CREG2: variants seen among roughly 807,000 people sequenced by gnomAD.
The protein encoded by CREG2 is cellular repressor of E1A stimulated genes 2, also known as protein CREG2.
CREG2 carries 24 observed loss-of-function variants against 26.2 expected under a neutral mutation model. That is an observed-to-expected ratio of 0.92 (90% CI 0.66 to 1.29). The LOEUF (loss-of-function observed/expected upper bound fraction) is 1.29. Ranked by LOEUF, CREG2 falls within the 50% of genes most tolerant of loss-of-function variation. The pLI is 0.00. For synonymous variants in CREG2, 174 were observed against 169.2 expected (o/e 1.03, Z -0.22); for missense variants, 366 against 398.6 (o/e 0.92, Z 0.70).
rs1684522629 is a variant in CREG2, at chr2:101,360,483, C to A, written c.612-5117G>T. ...GGTGCAGTGACTCACACCTGTAATCCCAGCACTTTGGGAGGCCAACGTAGG... is the reference window on the plus strand; with the variant it reads ...GGTGCAGTGACTCACACCTGTAATCACAGCACTTTGGGAGGCCAACGTAGG... On this transcript the variant is annotated intron_variant, in intron 2 of 3. Coordinates refer to ENST00000324768, the MANE Select transcript of CREG2 (RefSeq NM_153836.4). Among the ~76,000 whole-genome samples, 3 of 152,078 alleles carry A rather than the reference C, an allele frequency of 2.0e-5. No homozygotes were observed. In the South Asian group the frequency reaches 6.2e-4, roughly 31 times the overall value.
chr2:101,372,476 GA>G (rs1684723469), intron 2 of CREG2, among the ~76,000 whole-genome samples: 1 of 152,054 alleles, frequency 6.6e-6, no homozygotes, highest in Non-Finnish European at 1.5e-5. Context: ...TCAGTTAATT[GA>G]AATCTTTTCT....
intron 2 of CREG2, among the ~76,000 whole-genome samples, chr2:101,368,362 G>A (rs779669646): frequency 1.3e-5 from 2 of 151,756 alleles, no homozygotes; most frequent in African/African-American, 2.4e-5. Context: ...CACGAAGTCT[G>A]TGGCAATTTC....
rs1684359438 is a variant in CREG2 at position 101,350,323 on chromosome 2, C to T, written c.*600G>A. 1 of 152,370 alleles carries T rather than the reference C, an allele frequency of 6.6e-6. No individual in the cohort carries two copies. The highest frequency in any genetic ancestry group is 6.5e-5 in the Admixed American group (1 of 15,290). 9.4% of individuals were successfully genotyped at this position (152,370 alleles called of 1,614,324 possible). On this transcript the variant is annotated 3_prime_UTR_variant, in exon 4 of 4. Coordinates refer to ENST00000324768, the MANE Select transcript of CREG2 (RefSeq NM_153836.4). ...GGCTATGCACAAAGCACCCTATGTT[C>T]TTACACTGTTTTCATGTTATGGTGG...
chr2:101,384,951 C>T (rs1684942552), intron 1 of CREG2, among the ~76,000 whole-genome samples: 1 of 152,156 alleles, frequency 6.6e-6, no homozygotes, highest in Non-Finnish European at 1.5e-5. Context: ...CACACTGGCT[C>T]TACACCTTCC....
chr2:101,385,909 C>T (rs1684960934), intron 1 of CREG2, among the ~76,000 whole-genome samples: 1 of 152,196 alleles, frequency 6.6e-6, no homozygotes. Context: ...TGGCACGAGA[C>T]TATTTAATTT....
At chr2:101,374,458 A>G (rs1047628655) in intron 2 of CREG2, among the ~76,000 whole-genome samples, 1 of 152,270 alleles carries the variant, frequency 6.6e-6, no homozygotes, top group Non-Finnish European at 1.5e-5. Flanking sequence ...GGTAACATGA[A>G]TCAGAACACA....
intron 2 of CREG2, among the ~76,000 whole-genome samples, chr2:101,367,269 C>T (rs1684631386): frequency 1.3e-5 from 2 of 152,262 alleles, no homozygotes; most frequent in East Asian, 3.9e-4. Flanking sequence ...TCGAACAGTC[C>T]ACTCTTGAGA....
chr2:101,367,260 C>T lies in CREG2; in HGVS notation c.612-11894G>A, dbSNP rs114160292. On this transcript the variant is annotated intron_variant, in intron 2 of 3. Transcript: ENST00000324768. ...TGGACAGGAGAGCAACAGGCGTGTTCGAACAGTCCACTCTTGAGAGTCAAG... is the reference window on the plus strand; with the variant it reads ...TGGACAGGAGAGCAACAGGCGTGTTTGAACAGTCCACTCTTGAGAGTCAAG... Among the ~76,000 whole-genome samples, 456 of 152,244 alleles carry T rather than the reference C, an allele frequency of 3.0e-3. 5 individuals carry two copies. Among genetic ancestry groups the T allele is most frequent in the African/African-American group, 0.01 (430 of 41,542 alleles).
chr2:101,346,836 A>G lies in CREG2; in HGVS notation c.*4087T>C, dbSNP rs1180972401. 2 of 152,170 alleles carry G rather than the reference A, an allele frequency of 1.3e-5. No individual in the cohort carries two copies. Among genetic ancestry groups the G allele is most frequent in the Non-Finnish European group, 1.5e-5 (1 of 68,020 alleles). 9.4% of individuals were successfully genotyped at this position (152,170 alleles called of 1,614,324 possible). ...AATACAGAGATCCTGTGTTCTTTTT[A>G]CCCAGTTTTCCCCAATGGCACATCT... is the stretch of plus-strand genomic sequence containing the variant. On this transcript the variant is annotated 3_prime_UTR_variant, in exon 4 of 4. Coordinates refer to ENST00000324768, the MANE Select transcript of CREG2 (RefSeq NM_153836.4).
chr2:101,357,504 G>A (rs1327739830), intron 2 of CREG2, among the ~76,000 whole-genome samples: 4 of 152,192 alleles, frequency 2.6e-5, no homozygotes, highest in Non-Finnish European at 5.9e-5. Flanking sequence ...TGCAAGCTGT[G>A]TCCATAAGTG....
At position 101,387,195 on chromosome 2, in the gene CREG2, C is replaced by G. The variant is rs1684987238; in HGVS notation, c.263G>C (p.Arg88Pro). 7.3e-7 allele frequency: 1 copy of G among 1,361,096 alleles called. No individual in the cohort carries two copies. The allele number at this position is 1,361,096 out of a possible 1,614,324, so 84.3% of individuals were successfully genotyped here. A position where few individuals can be genotyped will look rare whatever the true frequency, so the allele number is the denominator to read the frequency against. Residue 88 changes from arginine (R) to proline (P), a missense_variant, in exon 1 of 4, where the codon CGG becomes CCG. Arg to Pro is a moderately radical substitution (Grantham distance 103). Transcript: ENST00000324768. The surrounding 1 kb of genome is among the most constrained non-coding windows in gnomAD (Gnocchi z 4.7). ...AHKEDAHLRPRAGAARARPPP... is the reference protein window; with the variant it reads ...AHKEDAHLRPPAGAARARPPP... ...CGGCCTGGCCCGGGCGGCGCCCGCC[C>G]GGGGCCGCAGGTGCGCGTCCTCCTT...
At chr2:101,378,143 G>A (rs1329750177) in intron 2 of CREG2, among the ~76,000 whole-genome samples, 2 of 152,160 alleles carry the variant, frequency 1.3e-5, no homozygotes, top group African/African-American at 2.4e-5. Context: ...CCTGGTCCCT[G>A]GGAACCACCA....
At chr2:101,383,837 A>C (rs1684922013) in intron 1 of CREG2, 135 bp from the exon 2 acceptor site, 1 of 779,792 alleles carries the variant, frequency 1.3e-6, no homozygotes, top group Non-Finnish European at 2.0e-6. Context: ...TGGCTCTGAC[A>C]GGTAGTAAAT....
chr2:101,366,234 C>T (rs545688392), intron 2 of CREG2, among the ~76,000 whole-genome samples: 69 of 152,286 alleles, frequency 4.5e-4, no homozygotes, highest in Non-Finnish European at 8.8e-4. Context: ...CTTCAACAGC[C>T]GTTCCAGAAT....
At chr2:101,373,131 A>G (rs1330807917) in intron 2 of CREG2, among the ~76,000 whole-genome samples, 1 of 152,256 alleles carries the variant, frequency 6.6e-6, no homozygotes, top group Non-Finnish European at 1.5e-5. Context: ...AAATGAAATC[A>G]TATACCTGCA....
At chr2:101,353,118 G>A (rs1684407705) in intron 3 of CREG2, among the ~76,000 whole-genome samples, 1 of 152,170 alleles carries the variant, frequency 6.6e-6, no homozygotes, top group Admixed American at 6.5e-5. Context: ...TTTTTCTCTT[G>A]TAAATTTGTT....
At chr2:101,378,959 T>C (rs978530039) in intron 2 of CREG2, among the ~76,000 whole-genome samples, 4 of 151,726 alleles carry the variant, frequency 2.6e-5, no homozygotes, top group African/African-American at 9.7e-5. Flanking sequence ...TGAGCCGAGA[T>C]TGCACCACTG....
chr2:101,355,264 GGCTT>G lies in CREG2; in HGVS notation c.710_713del (p.Gln237ProfsTer9). On this transcript the variant is annotated frameshift_variant, in exon 3 of 4. Coordinates refer to ENST00000324768, the MANE Select transcript of CREG2 (RefSeq NM_153836.4). LOFTEE classifies it high-confidence loss of function. ...AAGCATTTACACACCTTGAAAACAT[GGCTT>G]GCTTGGCAAATTCTACTTCTTCTGG... 6.2e-7 allele frequency: 1 copy of G among 1,608,688 alleles called. No homozygotes were observed. Among genetic ancestry groups the G allele is most frequent in the Non-Finnish European group, 8.5e-7 (1 of 1,175,130 alleles).
chr2:101,356,396 A>G (rs1223516042), intron 2 of CREG2, among the ~76,000 whole-genome samples: 1 of 152,200 alleles, frequency 6.6e-6, no homozygotes, highest in Non-Finnish European at 1.5e-5. Flanking sequence ...TCCCATTCCT[A>G]TCAAAATGGG....
Sources: allele counts gnomAD v4.1 joint callset (sites outside exome capture counted in the v4.1 genomes callset), GRCh38; gene constraint gnomAD v4.1.1; non-coding constraint Gnocchi (gnomAD v3.1); transcripts MANE v1.5; gene names NCBI Gene and HGNC (gene_info 2026-07-23, HGNC 2026-07-21).